The following ELMO1 variants were observed in gnomAD, a reference collection of about 807,000 sequenced individuals.
The protein encoded by ELMO1 is engulfment and cell motility 1.
In ELMO1, 26 loss-of-function variants were observed where a neutral mutation model predicts 98.9. That is an observed-to-expected ratio of 0.26 (90% CI 0.19 to 0.36). The LOEUF (loss-of-function observed/expected upper bound fraction) is 0.36. Among genes scored for constraint, ELMO1 ranks in the 10% least tolerant of loss-of-function variants. ELMO1 has a pLI of 1.00. For missense variants in ELMO1, 627 were observed against 935.2 expected (o/e 0.67, Z 4.30); for synonymous variants, 346 against 346.0 (o/e 1.00, Z 0.00).
intron 14 of ELMO1, among the ~76,000 whole-genome samples, chr7:37,123,638 ATAAT>A (rs1176459529): frequency 6.6e-6 from 1 of 152,322 alleles, no homozygotes; most frequent in East Asian, 1.9e-4. Context: ...AATTGAGGCA[ATAAT>A]TAATAGCTTA....
chr7:36,907,505 C>A (rs1784049665), intron 16 of ELMO1, among the ~76,000 whole-genome samples: 1 of 152,198 alleles, frequency 6.6e-6, no homozygotes, highest in Admixed American at 6.5e-5. Context: ...CCTGACTCTG[C>A]AAAACCTGGA....
intron 16 of ELMO1, among the ~76,000 whole-genome samples, chr7:37,005,123 A>AAAG (rs1554389257): frequency 1.3e-5 from 2 of 151,024 alleles, no homozygotes; most frequent in African/African-American, 4.9e-5. Context: ...AAAAAAAAAA[A>AAAG]AAAAAAAAAG....
chr7:37,251,578 T>C (rs543488090), intron 6 of ELMO1, among the ~76,000 whole-genome samples: 2 of 152,308 alleles, frequency 1.3e-5, no homozygotes, highest in South Asian at 4.1e-4. Context: ...CTTATGAAGA[T>C]CTCAAAATAA....
chr7:36,960,234 G>A (rs1371197925), intron 16 of ELMO1, among the ~76,000 whole-genome samples: 1 of 152,100 alleles, frequency 6.6e-6, no homozygotes, highest in Non-Finnish European at 1.5e-5. Context: ...CTTTTCTCCA[G>A]TTAATTGGTC....
rs1793789868 is a variant in ELMO1 at position 37,014,588 on chromosome 7, T to C, written c.1301-1153A>G. 2.0e-5 allele frequency among the ~76,000 whole-genome samples: 3 copies of C among 152,260 alleles called. No homozygotes were observed. In the South Asian group the frequency reaches 6.2e-4, roughly 32 times the overall value. ...CATCACCTACGTTTTAAGCCCCACA[T>C]GCATTAGCTATTTGTCCTAATGCTC... is the stretch of plus-strand genomic sequence containing the variant. On this transcript the variant is annotated intron_variant, in intron 15 of 21. Coordinates refer to ENST00000310758, the MANE Select transcript of ELMO1 (RefSeq NM_014800.11).
intron 1 of ELMO1, among the ~76,000 whole-genome samples, chr7:37,368,706 T>C (rs1801996672): frequency 6.6e-6 from 1 of 152,224 alleles, no homozygotes; most frequent in African/African-American, 2.4e-5. Flanking sequence ...GGAGGCTTTA[T>C]CTGCATAAGA....
chr7:37,288,338 C>T (rs1797505293), intron 4 of ELMO1, among the ~76,000 whole-genome samples: 1 of 152,168 alleles, frequency 6.6e-6, no homozygotes, highest in Non-Finnish European at 1.5e-5. Flanking sequence ...GATTCTCCTG[C>T]CTCAGCCTCC....
At chr7:37,102,917 G>A (rs1205892186) in intron 14 of ELMO1, among the ~76,000 whole-genome samples, 1 of 152,200 alleles carries the variant, frequency 6.6e-6, no homozygotes, top group Non-Finnish European at 1.5e-5. Flanking sequence ...ACAAAGGAGT[G>A]ATCAGCACTG....
intron 4 of ELMO1, among the ~76,000 whole-genome samples, chr7:37,273,121 C>T (rs901804626): frequency 1.3e-5 from 2 of 152,226 alleles, no homozygotes; most frequent in Non-Finnish European, 2.9e-5. Flanking sequence ...AAGTTAAGCA[C>T]AAACAGCATA....
chr7:36,942,242 G>A (rs1787106782), intron 16 of ELMO1, among the ~76,000 whole-genome samples: 1 of 152,100 alleles, frequency 6.6e-6, no homozygotes, highest in South Asian at 2.1e-4. Context: ...AAGGCCACTG[G>A]GAGGCACCCA....
At chr7:37,093,498 T>A (rs1237231290) in intron 15 of ELMO1, among the ~76,000 whole-genome samples, 1 of 152,186 alleles carries the variant, frequency 6.6e-6, no homozygotes, top group African/African-American at 2.4e-5. Context: ...TGTTCAGAAC[T>A]ATGAACTTAG....
At chr7:37,260,878 A>G (rs1219671392) in intron 5 of ELMO1, among the ~76,000 whole-genome samples, 1 of 152,208 alleles carries the variant, frequency 6.6e-6, no homozygotes, top group Admixed American at 6.5e-5. Flanking sequence ...GGTGAGAATT[A>G]TTTATCTCTT....
At chr7:37,103,702 A>G (rs1180480236) in intron 14 of ELMO1, among the ~76,000 whole-genome samples, 1 of 152,076 alleles carries the variant, frequency 6.6e-6, no homozygotes, top group Non-Finnish European at 1.5e-5. Context: ...AAAAAAAATA[A>G]AAGAGCAGAG....
At chr7:36,881,514 T>C (rs1804455154) in intron 18 of ELMO1, among the ~76,000 whole-genome samples, 1 of 152,212 alleles carries the variant, frequency 6.6e-6, no homozygotes, top group African/African-American at 2.4e-5. Flanking sequence ...TTATCAAAGA[T>C]TGTTTACTAG....
chr7:36,942,243 G>A (rs751414174), intron 16 of ELMO1, among the ~76,000 whole-genome samples: 2 of 152,078 alleles, frequency 1.3e-5, no homozygotes, highest in Non-Finnish European at 2.9e-5. Flanking sequence ...AGGCCACTGG[G>A]AGGCACCCAA....
At chr7:37,429,604 T>C (rs1368508069) in intron 1 of ELMO1, 2 of 152,282 alleles carry the variant, frequency 1.3e-5, no homozygotes, top group Admixed American at 6.5e-5. Flanking sequence ...CTGGCTACAG[T>C]ACCATCACTA....
chr7:37,072,767 T>A (rs1797349984), intron 15 of ELMO1, among the ~76,000 whole-genome samples: 1 of 152,138 alleles, frequency 6.6e-6, no homozygotes, highest in South Asian at 2.1e-4. Context: ...TCATAAAACA[T>A]AAGGCGAGTA....
chr7:37,075,859 C>T (rs1797548385), intron 15 of ELMO1, among the ~76,000 whole-genome samples: 1 of 152,086 alleles, frequency 6.6e-6, no homozygotes, highest in African/African-American at 2.4e-5. Context: ...TAAACCCTGA[C>T]ACAAAATAAT....
At chr7:37,261,040 G>T (rs1049500649) in intron 5 of ELMO1, among the ~76,000 whole-genome samples, 1 of 152,078 alleles carries the variant, frequency 6.6e-6, no homozygotes. Flanking sequence ...TACTATATAG[G>T]TTATGACAAT....
Sources: allele counts gnomAD v4.1 joint callset (sites outside exome capture counted in the v4.1 genomes callset), GRCh38; gene constraint gnomAD v4.1.1; transcripts MANE v1.5; gene names NCBI Gene and HGNC (gene_info 2026-07-23, HGNC 2026-07-21).